The following BTBD9 variants were observed in gnomAD, a reference collection of about 807,000 sequenced individuals.
The protein encoded by BTBD9 is BTB/POZ domain-containing protein 9.
A neutral mutation model predicts 64.3 loss-of-function variants in BTBD9; 49 were observed. That is an observed-to-expected ratio of 0.76 (90% confidence interval 0.61 to 0.97). The LOEUF is 0.97. BTBD9 is among the 50% of genes least tolerant of loss of function. The probability of loss-of-function intolerance (pLI) is 0.00; values close to 1 mark genes in which losing one functional copy is unlikely to be tolerated. For missense variants in BTBD9, 598 were observed against 762.1 expected (o/e 0.78, Z 2.53); for synonymous variants, 260 against 274.7 (o/e 0.95, Z 0.53).
intron 6 of BTBD9, among the ~76,000 whole-genome samples, chr6:38,388,993 A>G (rs1766297941): frequency 6.6e-6 from 1 of 152,224 alleles, no homozygotes; most frequent in Non-Finnish European, 1.5e-5. Flanking sequence ...TGACAACAGG[A>G]CAATAATAAT....
intron 6 of BTBD9, among the ~76,000 whole-genome samples, chr6:38,480,594 A>G (rs1385166397): frequency 1.3e-5 from 2 of 152,196 alleles, no homozygotes; most frequent in South Asian, 2.1e-4. Context: ...CATGCAAAGT[A>G]GTATATAAGT....
intron 6 of BTBD9, among the ~76,000 whole-genome samples, chr6:38,393,015 C>T (rs1266582953): frequency 6.6e-6 from 1 of 151,980 alleles, no homozygotes. Context: ...GCTGGGATTA[C>T]AGGCGCGTGC....
chr6:38,459,657 T>C (rs1309403574), intron 6 of BTBD9, among the ~76,000 whole-genome samples: 1 of 152,172 alleles, frequency 6.6e-6, no homozygotes, highest in Non-Finnish European at 1.5e-5. Context: ...TAGACTTTTG[T>C]TATGCTAAGT....
At chr6:38,429,337 C>A (rs1311005281) in intron 6 of BTBD9, among the ~76,000 whole-genome samples, 1 of 151,262 alleles carries the variant, frequency 6.6e-6, no homozygotes, top group Non-Finnish European at 1.5e-5. Context: ...CACCTGTAAT[C>A]CCAGCTACTC....
At chr6:38,350,707 T>G (rs1764466821) in intron 6 of BTBD9, among the ~76,000 whole-genome samples, 1 of 152,228 alleles carries the variant, frequency 6.6e-6, no homozygotes, top group Non-Finnish European at 1.5e-5. Flanking sequence ...AAGGGAACCT[T>G]AACATTTTGG....
At chr6:38,639,281 G>A (rs1486572782) in intron 1 of BTBD9, among the ~76,000 whole-genome samples, 2 of 152,154 alleles carry the variant, frequency 1.3e-5, no homozygotes, top group Admixed American at 6.5e-5. Flanking sequence ...ATACTGACAG[G>A]TCGCCCTCCC....
intron 6 of BTBD9, among the ~76,000 whole-genome samples, chr6:38,443,634 G>A (rs894570174): frequency 6.6e-6 from 1 of 151,958 alleles, no homozygotes; most frequent in Admixed American, 6.6e-5. Flanking sequence ...CACTCTCTTT[G>A]TCTCTCTCTC....
chr6:38,629,074 T>C (rs1421539761), intron 1 of BTBD9, among the ~76,000 whole-genome samples: 1 of 151,712 alleles, frequency 6.6e-6, no homozygotes, highest in African/African-American at 2.4e-5. Context: ...ATTAAACCCA[T>C]TGAATAACAT....
At chr6:38,590,706 C>T (rs962078484) in intron 4 of BTBD9, among the ~76,000 whole-genome samples, 1 of 152,206 alleles carries the variant, frequency 6.6e-6, no homozygotes, top group Non-Finnish European at 1.5e-5. Flanking sequence ...TCATTACAGA[C>T]ATACCTAGTG....
chr6:38,240,974 T>C (rs1379639331), intron 9 of BTBD9, among the ~76,000 whole-genome samples: 1 of 152,164 alleles, frequency 6.6e-6, no homozygotes, highest in East Asian at 1.9e-4. Flanking sequence ...TAGATTAATG[T>C]AGATTTGGGT....
chr6:38,375,409 T>C (rs1232733118), intron 6 of BTBD9, among the ~76,000 whole-genome samples: 3 of 152,204 alleles, frequency 2.0e-5, no homozygotes, highest in Non-Finnish European at 4.4e-5. Context: ...TAGTGTGAGT[T>C]AGAAAGTCTG....
intron 10 of BTBD9, 41 bp from the exon 11 acceptor site, chr6:38,175,223 G>T: frequency 1.9e-6 from 3 of 1,606,102 alleles, no homozygotes; most frequent in Non-Finnish European, 2.6e-6. Context: ...TGAAGGGTCA[G>T]CATGCGGCCC....
intron 6 of BTBD9, among the ~76,000 whole-genome samples, chr6:38,463,243 G>C (rs1419371190): frequency 6.6e-6 from 1 of 152,208 alleles, no homozygotes; most frequent in Non-Finnish European, 1.5e-5. Context: ...CCTGCCACTT[G>C]CTAAATTCAC....
intron 6 of BTBD9, among the ~76,000 whole-genome samples, chr6:38,455,501 TG>T (rs1364009895): frequency 6.6e-6 from 1 of 152,224 alleles, no homozygotes; most frequent in African/African-American, 2.4e-5. Context: ...GATATATAAA[TG>T]GAATCATACA....
At chr6:38,319,226 C>G (rs745941354) in intron 7 of BTBD9, among the ~76,000 whole-genome samples, 6 of 152,086 alleles carry the variant, frequency 3.9e-5, no homozygotes, top group Non-Finnish European at 8.8e-5. Context: ...AATTGAGGAC[C>G]TAAAGAGCCC....
chr6:38,249,543 G>T (rs1303281992), intron 9 of BTBD9, among the ~76,000 whole-genome samples: 1 of 151,954 alleles, frequency 6.6e-6, no homozygotes, highest in Non-Finnish European at 1.5e-5. Context: ...TGGGATTATA[G>T]CAGTCTTTTC....
At chr6:38,493,036 A>C (rs1398702123) in intron 6 of BTBD9, among the ~76,000 whole-genome samples, 1 of 152,300 alleles carries the variant, frequency 6.6e-6, no homozygotes, top group Non-Finnish European at 1.5e-5. Flanking sequence ...AAAGAAAAAA[A>C]TTTTTCAACT....
chr6:38,268,278 C>A (rs373009776), intron 8 of BTBD9, among the ~76,000 whole-genome samples: 26 of 152,176 alleles, frequency 1.7e-4, no homozygotes, highest in Non-Finnish European at 3.4e-4. Context: ...GGTGCCCACA[C>A]GCACAGCCTA....
rs1318317591 is a variant in BTBD9, at chr6:38,604,204, A to C, written c.-27-6083T>G. ...TGGAGTTCACATGACAGGATTCCTG[A>C]CATACCTTCTTCTCTGGGAAAGATT... On this transcript the variant is annotated intron_variant, in intron 1 of 10. Transcript: ENST00000481247. 2.0e-5 allele frequency among the ~76,000 whole-genome samples: 3 copies of C among 152,196 alleles called. No homozygotes were observed. The East Asian group carries it at 5.8e-4, about 29-fold the overall frequency.
Sources: allele counts gnomAD v4.1 joint callset (sites outside exome capture counted in the v4.1 genomes callset), GRCh38; gene constraint gnomAD v4.1.1; transcripts MANE v1.5; gene names NCBI Gene and HGNC (gene_info 2026-07-23, HGNC 2026-07-21).